Variants in COMMD10 observed in about 807,000 individuals in gnomAD.
The protein encoded by COMMD10 is COMM domain-containing protein 10.
A neutral mutation model predicts 28.9 loss-of-function variants in COMMD10; 33 were observed. The ratio of observed to expected loss-of-function variants is 1.14; its 90% CI spans 0.87 to 1.53. The LOEUF (loss-of-function observed/expected upper bound fraction) is 1.53, where lower values mean the gene tolerates loss of function less well. Among genes scored for constraint, COMMD10 ranks in the 40% most tolerant of loss-of-function variants. COMMD10 has a pLI of 0.00. For synonymous variants in COMMD10, 110 were observed against 81.7 expected, an observed-to-expected ratio of 1.35 and a Z score of -1.87; for missense variants, 310 against 233.4, an observed-to-expected ratio of 1.33 and a Z score of -2.14.
chr5:116,127,240 C>G (rs1236371584), intron 4 of COMMD10, among the ~76,000 whole-genome samples: 1 of 152,176 alleles, frequency 6.6e-6, no homozygotes. Context: ...CACCTCACAC[C>G]AGTTAGAATG....
At chr5:116,099,430 A>AAGAT (rs3072953) in intron 4 of COMMD10, among the ~76,000 whole-genome samples, 111,852 of 151,562 alleles carry the variant, frequency 0.74, 41,677 homozygotes, top group Non-Finnish European at 0.8. Flanking sequence ...ATATCTCTTC[A>AAGAT]ACTGATTTCA....
chr5:116,145,704 G>C (rs1752326634), intron 5 of COMMD10, among the ~76,000 whole-genome samples: 1 of 151,862 alleles, frequency 6.6e-6, no homozygotes, highest in Non-Finnish European at 1.5e-5. Flanking sequence ...GGTGGAGGTA[G>C]TTGAATCATG....
rs556689538 is a variant in COMMD10 at position 116,272,864 on chromosome 5, C to T, written c.511-18653C>T. Among the ~76,000 whole-genome samples, 8 of 151,842 alleles carry T rather than the reference C, an allele frequency of 5.3e-5. No individual in the cohort carries two copies. In the South Asian group the frequency reaches 6.2e-4, roughly 12 times the overall value. On this transcript the variant is annotated intron_variant, in intron 5 of 6. Coordinates refer to ENST00000274458, the MANE Select transcript of COMMD10 (RefSeq NM_016144.4). ...TGGCTCTGGTTTCTGCTCTTAATTT[C>T]GGTTCTCTTAGGGCATGAACAAGAT... is the stretch of plus-strand genomic sequence containing the variant.
At chr5:116,234,628 A>G (rs769705882) in intron 5 of COMMD10, among the ~76,000 whole-genome samples, 23 of 152,338 alleles carry the variant, frequency 1.5e-4, no homozygotes, top group Middle Eastern at 3.4e-3. Context: ...TGAAGTGTCC[A>G]GTAATGATGC....
intron 4 of COMMD10, among the ~76,000 whole-genome samples, chr5:116,127,157 C>T (rs1751683216): frequency 6.6e-6 from 1 of 152,160 alleles, no homozygotes; most frequent in Non-Finnish European, 1.5e-5. Flanking sequence ...TTTATGCAGC[C>T]AACAGACACA....
chr5:116,167,126 TTAAAA>T (rs112204814), intron 5 of COMMD10, among the ~76,000 whole-genome samples: 7,977 of 151,914 alleles, frequency 0.053, 286 homozygotes, highest in African/African-American at 0.11. Flanking sequence ...GAATTGCTAA[TTAAAA>T]TAACCAGTTT....
intron 4 of COMMD10, among the ~76,000 whole-genome samples, chr5:116,120,458 C>A (rs1259169996): frequency 6.6e-6 from 1 of 151,880 alleles, no homozygotes; most frequent in African/African-American, 2.4e-5. Flanking sequence ...ACAGAACTTA[C>A]CCATGTAAGC....
chr5:116,251,076 A>G (rs943812669), intron 5 of COMMD10, among the ~76,000 whole-genome samples: 1 of 151,950 alleles, frequency 6.6e-6, no homozygotes, highest in Non-Finnish European at 1.5e-5. Context: ...CAGAGCTCCT[A>G]GTTAATGCTA....
chr5:116,238,499 T>G (rs564572222), intron 5 of COMMD10, among the ~76,000 whole-genome samples: 244 of 152,322 alleles, frequency 1.6e-3, no homozygotes, highest in African/African-American at 5.6e-3. Flanking sequence ...TAAATTCCCA[T>G]TAAGTTTTAT....
intron 4 of COMMD10, among the ~76,000 whole-genome samples, chr5:116,125,099 A>T (rs1296723374): frequency 6.6e-6 from 1 of 152,174 alleles, no homozygotes; most frequent in South Asian, 2.1e-4. Context: ...TGTCGTTATG[A>T]TGTTACCTGG....
intron 5 of COMMD10, among the ~76,000 whole-genome samples, chr5:116,140,513 A>C (rs1752165977): frequency 6.6e-6 from 1 of 151,710 alleles, no homozygotes; most frequent in African/African-American, 2.4e-5. Context: ...GTTGTCCTTA[A>C]TGGCTATACC....
At chr5:116,099,510 G>T (rs1013512316) in intron 4 of COMMD10, among the ~76,000 whole-genome samples, 11 of 152,074 alleles carry the variant, frequency 7.2e-5, no homozygotes, top group Non-Finnish European at 1.3e-4. Context: ...ATGTTTTAAG[G>T]AACCTCCATA....
At chr5:116,275,796 T>C (rs1215716585) in intron 5 of COMMD10, among the ~76,000 whole-genome samples, 3 of 151,738 alleles carry the variant, frequency 2.0e-5, no homozygotes, top group Admixed American at 2.0e-4. Flanking sequence ...CATCAGATCC[T>C]AAATCATAAG....
intron 5 of COMMD10, among the ~76,000 whole-genome samples, chr5:116,278,763 G>C (rs745446676): frequency 6.6e-6 from 1 of 151,804 alleles, no homozygotes; most frequent in Non-Finnish European, 1.5e-5. Flanking sequence ...TAACCAGCTT[G>C]AGGTGGGGAC....
chr5:116,091,331 G>T, intron 3 of COMMD10, 142 bp downstream of exon 3: 1 of 466,810 alleles, frequency 2.1e-6, no homozygotes, highest in Non-Finnish European at 3.9e-6. Flanking sequence ...AAGAATTTCA[G>T]TGTAAAAATA....
chr5:116,163,230 A>C (rs1752976003), intron 5 of COMMD10, among the ~76,000 whole-genome samples: 2 of 143,108 alleles, frequency 1.4e-5, no homozygotes, highest in South Asian at 4.3e-4. Context: ...TTTTAAAAGC[A>C]TCTTTGTAAT....
chr5:116,236,635 C>G (rs1749672220), intron 5 of COMMD10, among the ~76,000 whole-genome samples: 1 of 151,540 alleles, frequency 6.6e-6, no homozygotes, highest in South Asian at 2.1e-4. Flanking sequence ...ATATGACATT[C>G]TAGAAGAGAC....
intron 5 of COMMD10, among the ~76,000 whole-genome samples, chr5:116,283,707 G>T (rs561113759): frequency 6.6e-6 from 1 of 151,452 alleles, no homozygotes; most frequent in African/African-American, 2.4e-5. Context: ...TCAATGTTTC[G>T]TATTAGTCTT....
At chr5:116,222,389 A>G (rs565701668) in intron 5 of COMMD10, among the ~76,000 whole-genome samples, 1 of 152,330 alleles carries the variant, frequency 6.6e-6, no homozygotes, top group African/African-American at 2.4e-5. Flanking sequence ...AATTAGAATT[A>G]TTCTGGTCAA....
Sources: gnomAD v4.1 joint callset for allele counts (sites outside exome capture counted in the v4.1 genomes callset) on GRCh38, gnomAD v4.1.1 for gene constraint, MANE v1.5 for transcripts, NCBI Gene and HGNC (gene_info 2026-07-23, HGNC 2026-07-21) for gene names.